Variants in COBLL1 observed in about 807,000 individuals in gnomAD.
The protein encoded by COBLL1 is cordon-bleu protein-like 1.
Under a neutral mutation model 94.8 loss-of-function variants are expected in COBLL1, and 50 were observed. The observed-to-expected ratio is 0.53, with a 90% CI of 0.42 to 0.67. The LOEUF (loss-of-function observed/expected upper bound fraction) is 0.67, where lower values mean the gene tolerates loss of function less well. Among genes scored for constraint, COBLL1 ranks in the 30% least tolerant of loss-of-function variants. The probability of loss-of-function intolerance (pLI) is 0.00; values close to 1 mark genes in which losing one functional copy is unlikely to be tolerated. For missense variants in COBLL1, 1,362 were observed against 1,348.7 expected (o/e 1.01, Z -0.15); for synonymous variants, 448 against 473.8 (o/e 0.95, Z 0.71).
chr2:164,818,570 G>T (rs764164135), intron 2 of COBLL1, among the ~76,000 whole-genome samples: 3 of 146,164 alleles, frequency 2.1e-5, no homozygotes, highest in Middle Eastern at 3.7e-3. Context: ...CACATATATA[G>T]CATATATGTA....
chr2:164,700,990 G>A (rs1684222450), intron 9 of COBLL1, among the ~76,000 whole-genome samples: 2 of 152,172 alleles, frequency 1.3e-5, no homozygotes, highest in South Asian at 4.1e-4. Flanking sequence ...TTTATTCATG[G>A]TAGAGACAAG....
At chr2:164,838,588 C>T (rs1345228180) in intron 2 of COBLL1, among the ~76,000 whole-genome samples, 1 of 152,128 alleles carries the variant, frequency 6.6e-6, no homozygotes, top group Non-Finnish European at 1.5e-5. Context: ...TGGAGTTTTT[C>T]TTCTGGTTTT....
chr2:164,680,640 C>G lies in COBLL1; in HGVS notation c.*5306G>C, dbSNP rs1204533183. 2.0e-5 allele frequency: 3 copies of G among 152,120 alleles called. No homozygotes were observed. Among genetic ancestry groups the G allele is most frequent in the African/African-American group, 7.2e-5 (3 of 41,418 alleles). The allele number at this position is 152,120 out of a possible 1,614,324, so 9.4% of individuals were successfully genotyped here. A position where few individuals can be genotyped will look rare whatever the true frequency, so the allele number is the denominator to read the frequency against. On this transcript the variant is annotated 3_prime_UTR_variant, in exon 14 of 14. Coordinates refer to ENST00000652658, the MANE Select transcript of COBLL1 (RefSeq NM_001365672.2). Reference sequence around the variant, plus strand: ...CACTTTCAGGTTTTCAATGAAATAGCACAGTTGCCAGATTTAGCTAAGAAA... The same window carrying G: ...CACTTTCAGGTTTTCAATGAAATAGGACAGTTGCCAGATTTAGCTAAGAAA...
chr2:164,786,119 T>C (rs1688944764), intron 2 of COBLL1, among the ~76,000 whole-genome samples: 1 of 152,212 alleles, frequency 6.6e-6, no homozygotes, highest in Admixed American at 6.5e-5. Context: ...TTGCTGCATA[T>C]AGAAATGAAT....
intron 2 of COBLL1, among the ~76,000 whole-genome samples, chr2:164,804,809 C>T (rs1482879908): frequency 6.6e-6 from 1 of 152,172 alleles, no homozygotes; most frequent in East Asian, 1.9e-4. Context: ...GCCAACAAGG[C>T]ATCTCCTAGT....
chr2:164,817,384 A>G lies in COBLL1; in HGVS notation c.41+23772T>C, dbSNP rs531750003. Among the ~76,000 whole-genome samples the G allele has an allele frequency of 2.8e-3, 430 of 151,418 alleles. 2 individuals carry two copies. The highest frequency in any genetic ancestry group is 9.8e-3 in the African/African-American group (406 of 41,242). On this transcript the variant is annotated intron_variant, in intron 2 of 13. Transcript: ENST00000652658. ...ATTAAAAAAAAAAAAAAAAAGAAGA[A>G]GAAGAAGGACTTAGAACAACAGAGA...
chr2:164,744,686 G>A (rs1403517779), intron 2 of COBLL1, among the ~76,000 whole-genome samples: 1 of 152,146 alleles, frequency 6.6e-6, no homozygotes, highest in African/African-American at 2.4e-5. Context: ...GCATGGTATG[G>A]ATGGCTGTAT....
chr2:164,736,099 C>T (rs1176237349), intron 3 of COBLL1, among the ~76,000 whole-genome samples: 1 of 152,002 alleles, frequency 6.6e-6, no homozygotes, highest in African/African-American at 2.4e-5. Context: ...ATGAAGAAAT[C>T]CCTATGAGAT....
intron 2 of COBLL1, among the ~76,000 whole-genome samples, chr2:164,750,818 G>A (rs183878080): frequency 1.4e-4 from 21 of 152,140 alleles, no homozygotes; most frequent in African/African-American, 4.3e-4. Context: ...CTTGGCTGCC[G>A]CACCCCTGAG....
In COBLL1 at chr2:164,718,514, A is replaced by C. The variant is rs1685290529; in HGVS notation, c.996+3561T>G. ...AATATTTAGCATGAATATTGGTTTT[A>C]ATATGCATACATTATCTCTGGAAAG... On this transcript the variant is annotated intron_variant, in intron 7 of 13. Transcript: ENST00000652658. 3.9e-5 allele frequency among the ~76,000 whole-genome samples: 6 copies of C among 152,348 alleles called. 1 individual carries two copies. The South Asian group carries it at 1.2e-3, about 32-fold the overall frequency.
intron 2 of COBLL1, among the ~76,000 whole-genome samples, chr2:164,744,493 C>T (rs1686763338): frequency 6.6e-6 from 1 of 152,118 alleles, no homozygotes; most frequent in Non-Finnish European, 1.5e-5. Flanking sequence ...TTTCAACTCT[C>T]TACCTACATT....
In COBLL1 at chr2:164,733,166, T is replaced by C. The variant is rs187690973; in HGVS notation, c.231-3051A>G. ...TCGTTTATGTATAAACATATAAACATTTAAAATACATTTTTGATTTTTTTA... is the reference window on the plus strand; with the variant it reads ...TCGTTTATGTATAAACATATAAACACTTAAAATACATTTTTGATTTTTTTA... On this transcript the variant is annotated intron_variant, in intron 3 of 13. Transcript: ENST00000652658. Among the ~76,000 whole-genome samples, 303 of 152,382 alleles carry C rather than the reference T, an allele frequency of 2.0e-3. 1 individual carries two copies. Among genetic ancestry groups the C allele is most frequent in the Non-Finnish European group, 3.5e-3 (240 of 68,040 alleles).
At chr2:164,676,677 C>CT (rs112492007), downstream of COBLL1, among the ~76,000 whole-genome samples, 2,482 of 146,386 alleles carry the variant, frequency 0.017, 23 homozygotes, top group Non-Finnish European at 0.026. Flanking sequence ...CTTAACTCTG[C>CT]TTTTTTTTTT....
intron 2 of COBLL1, among the ~76,000 whole-genome samples, chr2:164,812,118 C>T (rs561381549): frequency 6.6e-6 from 1 of 151,926 alleles, no homozygotes; most frequent in South Asian, 2.1e-4. Context: ...TATTTTAAGA[C>T]TTATGCTATT....
intron 2 of COBLL1, among the ~76,000 whole-genome samples, chr2:164,776,919 G>C (rs1260282421): frequency 1.3e-5 from 2 of 151,978 alleles, no homozygotes; most frequent in African/African-American, 4.8e-5. Context: ...AATAAACATT[G>C]TTTTGGAATA....
rs116433344 is a variant in COBLL1 at position 164,732,685 on chromosome 2, T to C, written c.231-2570A>G. Among the ~76,000 whole-genome samples the C allele has an allele frequency of 4.7e-3, 714 of 152,356 alleles. 4 individuals carry two copies. The highest frequency in any genetic ancestry group is 0.015 in the African/African-American group (637 of 41,584). On this transcript the variant is annotated intron_variant, in intron 3 of 13. Coordinates refer to ENST00000652658, the MANE Select transcript of COBLL1 (RefSeq NM_001365672.2). Reference sequence around the variant, plus strand: ...GTGTCAAGTAATAAATGTAAAAACATTGAAGCTCATTCTTCCAACATCTTT... The same window carrying C: ...GTGTCAAGTAATAAATGTAAAAACACTGAAGCTCATTCTTCCAACATCTTT...
chr2:164,664,622 G>GT (rs1691124949), intron 2 of COBLL1, among the ~76,000 whole-genome samples: 1 of 152,118 alleles, frequency 6.6e-6, no homozygotes, highest in African/African-American at 2.4e-5. Context: ...CTATTCAACC[G>GT]TAAGACTAAA....
chr2:164,694,979 C>G lies in COBLL1; in HGVS notation c.2413G>C (p.Glu805Gln). The G allele has an allele frequency of 1.9e-6, 3 of 1,613,980 alleles. No individual in the cohort carries two copies. The highest frequency in any genetic ancestry group is 2.5e-6 in the Non-Finnish European group (3 of 1,179,930). Residue 805 changes from glutamate (E) to glutamine (Q), a missense_variant, in exon 12 of 14, where the codon GAG (glutamate) becomes CAG (glutamine). Glu to Gln is a conservative substitution (Grantham distance 29). Transcript: ENST00000652658. ...CTCACAGAACTGGGCACTTGATGCTCTGTTCTCAGGTTAGGCTTCGGTTTA... is the reference window on the plus strand; with the variant it reads ...CTCACAGAACTGGGCACTTGATGCTGTGTTCTCAGGTTAGGCTTCGGTTTA... ...NLKPKPNLRTEHQVPSSVSSP... is the reference protein window; with the variant it reads ...NLKPKPNLRTQHQVPSSVSSP...
intron 2 of COBLL1, among the ~76,000 whole-genome samples, chr2:164,833,578 G>A (rs1449311859): frequency 1.3e-5 from 2 of 151,758 alleles, no homozygotes; most frequent in East Asian, 2.0e-4. Flanking sequence ...AGCCTCCCGA[G>A]TAGCTGGGAT....
Sources: gnomAD v4.1 joint callset for allele counts (sites outside exome capture counted in the v4.1 genomes callset) on GRCh38, gnomAD v4.1.1 for gene constraint, MANE v1.5 for transcripts, NCBI Gene and HGNC (gene_info 2026-07-23, HGNC 2026-07-21) for gene names.